ENTREP2: variants seen among roughly 807,000 people sequenced by gnomAD.
The protein encoded by ENTREP2 is endosomal transmembrane epsin interactor 2, also known as protein ENTREP2.
chr15:29,495,007 G>C, the ENTREP2 span, among the ~76,000 whole-genome samples: 2 of 152,146 alleles, frequency 1.3e-5, no homozygotes, highest in Non-Finnish European at 2.9e-5. Flanking sequence ...AGTGTACATG[G>C]GGGTGTAGAT....
the ENTREP2 span, among the ~76,000 whole-genome samples, chr15:29,488,964 G>A: frequency 6.6e-6 from 1 of 152,190 alleles, no homozygotes; most frequent in Non-Finnish European, 1.5e-5. Context: ...GGCTAGGAGA[G>A]GGGAAATAGG....
At chr15:29,525,297 C>T in the ENTREP2 span, among the ~76,000 whole-genome samples, 1 of 152,204 alleles carries the variant, frequency 6.6e-6, no homozygotes, top group East Asian at 1.9e-4. Context: ...AAAACTTGTA[C>T]AGGAATGTTC....
the ENTREP2 span, among the ~76,000 whole-genome samples, chr15:29,533,224 C>T: frequency 6.6e-6 from 1 of 152,200 alleles, no homozygotes; most frequent in Non-Finnish European, 1.5e-5. Context: ...TTGCAGTGCG[C>T]TATGTCTATC....
chr15:29,592,666 C>T, the ENTREP2 span, among the ~76,000 whole-genome samples: 1 of 152,148 alleles, frequency 6.6e-6, no homozygotes, highest in Non-Finnish European at 1.5e-5. Flanking sequence ...CTCTTCAAAC[C>T]TCACATTGAA....
chr15:29,656,713 C>T, the ENTREP2 span, among the ~76,000 whole-genome samples: 1 of 152,116 alleles, frequency 6.6e-6, no homozygotes, highest in Admixed American at 6.5e-5. Context: ...CTCGCAAGGA[C>T]GTGGTGCAAC....
chr15:29,467,168 T>A, the ENTREP2 span, among the ~76,000 whole-genome samples: 60,729 of 151,874 alleles, frequency 0.4, 12,503 homozygotes, highest in African/African-American at 0.5. Context: ...AGGGAGGGAA[T>A]CCAGCCTGGG....
the ENTREP2 span, among the ~76,000 whole-genome samples, chr15:29,558,120 C>T: frequency 6.6e-6 from 1 of 152,250 alleles, no homozygotes; most frequent in African/African-American, 2.4e-5. Context: ...GGATACCTGC[C>T]CCTCATAAAA....
the ENTREP2 span, among the ~76,000 whole-genome samples, chr15:29,444,194 G>T: frequency 7.7e-6 from 1 of 129,352 alleles, no homozygotes; most frequent in African/African-American, 3.2e-5. Context: ...AAGAAAGAAA[G>T]AAAGAAAGAA....
the ENTREP2 span, among the ~76,000 whole-genome samples, chr15:29,404,042 G>C: frequency 6.6e-6 from 1 of 152,174 alleles, no homozygotes; most frequent in Admixed American, 6.5e-5. Flanking sequence ...CACCCACAGA[G>C]ACTGGAGTGC....
the ENTREP2 span, among the ~76,000 whole-genome samples, chr15:29,264,458 T>A: frequency 6.6e-6 from 1 of 152,176 alleles, no homozygotes; most frequent in African/African-American, 2.4e-5. Flanking sequence ...ACCAAAGTGA[T>A]CAAGGTTTCA....
chr15:29,331,283 C>T, the ENTREP2 span, among the ~76,000 whole-genome samples: 6 of 152,094 alleles, frequency 3.9e-5, no homozygotes, highest in Admixed American at 1.3e-4. Context: ...GCAGGCCCGC[C>T]GGGAGGAGGG....
the ENTREP2 span, among the ~76,000 whole-genome samples, chr15:29,125,756 C>T: frequency 6.6e-6 from 1 of 152,262 alleles, no homozygotes; most frequent in South Asian, 2.1e-4. Flanking sequence ...CTGCTGGCCA[C>T]AGGGACCTGG....
At chr15:29,289,761 A>T in the ENTREP2 span, among the ~76,000 whole-genome samples, 3 of 151,930 alleles carry the variant, frequency 2.0e-5, no homozygotes, top group Non-Finnish European at 4.4e-5. Context: ...CAGGAGAATC[A>T]CTGGAATCCG....
chr15:29,277,503 C>T, the ENTREP2 span, among the ~76,000 whole-genome samples: 3 of 152,040 alleles, frequency 2.0e-5, no homozygotes, highest in African/African-American at 4.8e-5. Context: ...ATGGAAGGTG[C>T]GGGAGTGGGA....
the ENTREP2 span, among the ~76,000 whole-genome samples, chr15:29,270,974 A>G: frequency 6.6e-6 from 1 of 152,246 alleles, no homozygotes; most frequent in Non-Finnish European, 1.5e-5. Context: ...TATCTGAGTA[A>G]TAGCATCAAA....
At chr15:29,191,716 C>T in the ENTREP2 span, among the ~76,000 whole-genome samples, 1 of 152,110 alleles carries the variant, frequency 6.6e-6, no homozygotes, top group Non-Finnish European at 1.5e-5. Context: ...CCCAGGAGTT[C>T]GAGACCAGCC....
chr15:29,493,228 G>A, the ENTREP2 span, among the ~76,000 whole-genome samples: 1 of 133,550 alleles, frequency 7.5e-6, no homozygotes, highest in Admixed American at 7.7e-5. Context: ...CCGCCTCCCG[G>A]GTTCACGCCA....
chr15:29,349,767 G>A, the ENTREP2 span, among the ~76,000 whole-genome samples: 2 of 152,074 alleles, frequency 1.3e-5, no homozygotes, highest in Admixed American at 6.6e-5. Context: ...GCGTGGAGGC[G>A]CGTACCTGTA....
chr15:29,488,456 G>A, the ENTREP2 span, among the ~76,000 whole-genome samples: 1 of 152,154 alleles, frequency 6.6e-6, no homozygotes, highest in African/African-American at 2.4e-5. Flanking sequence ...TACATAACAG[G>A]AATCCCAGAA....
Sources: allele counts gnomAD v4.1 joint callset (sites outside exome capture counted in the v4.1 genomes callset), GRCh38; gene constraint gnomAD v4.1.1; transcripts MANE v1.5; gene names NCBI Gene and HGNC (gene_info 2026-07-23, HGNC 2026-07-21).